Variants in ARHGAP17 observed in about 807,000 individuals in gnomAD.
ARHGAP17 encodes the protein Rho GTPase activating protein 17, also known as rho GTPase-activating protein 17.
ARHGAP17 carries 57 observed loss-of-function variants against 99.5 expected under a neutral mutation model. That is an observed-to-expected ratio of 0.57 (90% CI 0.46 to 0.71). The LOEUF is 0.71. ARHGAP17 is among the 30% of genes least tolerant of loss of function. The pLI is 0.00. For missense variants in ARHGAP17, 1,000 were observed against 1,122.4 expected (o/e 0.89, Z 1.56); for synonymous variants, 417 against 429.6 (o/e 0.97, Z 0.36).
intron 7 of ARHGAP17, among the ~76,000 whole-genome samples, chr16:24,963,526 ACT>A (rs2052077539): frequency 6.6e-6 from 1 of 152,192 alleles, no homozygotes; most frequent in Admixed American, 6.5e-5. Flanking sequence ...CAGACTTAAG[ACT>A]CTAGATTGTC....
chr16:24,938,444 G>GA (rs2051203611), intron 17 of ARHGAP17, among the ~76,000 whole-genome samples: 1 of 151,814 alleles, frequency 6.6e-6, no homozygotes, highest in Non-Finnish European at 1.5e-5. Context: ...CTTATCCAAA[G>GA]GTTAAGCAAC....
In ARHGAP17 at chr16:24,970,496, G is replaced by A; in HGVS notation, c.272+11C>T. 1 of 1,613,702 alleles carries A rather than the reference G, an allele frequency of 6.2e-7. No homozygotes were observed. The highest frequency in any genetic ancestry group is 8.5e-7 in the Non-Finnish European group (1 of 1,179,604). On this transcript the variant is annotated intron_variant, in intron 4 of 19. Transcript: ENST00000289968. ...CATGGCACTTGGCACTCTGAAGGCAGCAACTCTTACCCCAGGAGAGAGTCT... is the reference window on the plus strand; with the variant it reads ...CATGGCACTTGGCACTCTGAAGGCAACAACTCTTACCCCAGGAGAGAGTCT...
chr16:24,928,618 G>A (rs2050902045), intron 19 of ARHGAP17, among the ~76,000 whole-genome samples: 1 of 152,158 alleles, frequency 6.6e-6, no homozygotes, highest in African/African-American at 2.4e-5. Flanking sequence ...TGTTTTGAAG[G>A]CTACACTCTG....
At chr16:24,932,067 C>T (rs917161818) in intron 18 of ARHGAP17, among the ~76,000 whole-genome samples, 1 of 148,098 alleles carries the variant, frequency 6.8e-6, no homozygotes, top group East Asian at 2.0e-4. Flanking sequence ...GCAGTGATCA[C>T]ACCACTGAAT....
At chr16:24,934,830 G>A (rs988794506) in intron 18 of ARHGAP17, among the ~76,000 whole-genome samples, 2 of 152,144 alleles carry the variant, frequency 1.3e-5, no homozygotes, top group African/African-American at 4.8e-5. Flanking sequence ...AGAATGTTCT[G>A]GAAGCCCTAA....
chr16:24,934,358 C>T, intron 18 of ARHGAP17, among the ~76,000 whole-genome samples: 1 of 152,164 alleles, frequency 6.6e-6, no homozygotes, highest in East Asian at 1.9e-4. Context: ...GATGGGGTTT[C>T]ACCATGTTGG....
intron 1 of ARHGAP17, among the ~76,000 whole-genome samples, chr16:24,985,196 A>C (rs1436818680): frequency 6.6e-6 from 1 of 152,148 alleles, no homozygotes; most frequent in African/African-American, 2.4e-5. Flanking sequence ...CCCCACACAC[A>C]CACACACACA....
rs1323715761 is a variant in ARHGAP17, at chr16:24,959,762, G to A, written c.643-10C>T. 6.2e-7 allele frequency: 1 copy of A among 1,613,572 alleles called. No homozygotes were observed. Among genetic ancestry groups the A allele is most frequent in the Non-Finnish European group, 8.5e-7 (1 of 1,179,768 alleles). On this transcript the variant is annotated splice_polypyrimidine_tract_variant and intron_variant, in intron 8 of 19. Coordinates refer to ENST00000289968, the MANE Select transcript of ARHGAP17 (RefSeq NM_001006634.3). The stretch of plus-strand genomic sequence containing the variant: ...CTTGGGCTTCTAATAACTGAGAACA[G>A]ACCCACATTCAAAAACAAAAGTAAC...
intron 1 of ARHGAP17, among the ~76,000 whole-genome samples, chr16:24,992,327 TTTTTTC>T (rs749556466): frequency 4.6e-5 from 7 of 152,090 alleles, no homozygotes; most frequent in Non-Finnish European, 5.9e-5. Context: ...CACATAGCTA[TTTTTTC>T]TTTTTCTTTT....
chr16:24,954,669 C>G lies in ARHGAP17; in HGVS notation c.786G>C (p.Gly262=). Residue 262 remains glycine (G), a synonymous_variant, in exon 10 of 20, where the codon GGG becomes GGC. Transcript: ENST00000289968. ...TPLEEHLKRS[G]REIALPIEAC... ...CTTCAATGGGCAGCGCAATCTCGCG[C>G]CCGCTCCTCTTCAGGTGTTCTTCTA... 6.2e-7 allele frequency: 1 copy of G among 1,614,070 alleles called. No homozygotes were observed. Among genetic ancestry groups the G allele is most frequent in the Non-Finnish European group, 8.5e-7 (1 of 1,179,966 alleles).
intron 1 of ARHGAP17, among the ~76,000 whole-genome samples, chr16:25,006,908 G>T (rs755811507): frequency 6.6e-6 from 1 of 152,136 alleles, no homozygotes; most frequent in African/African-American, 2.4e-5. Context: ...AGGGCTGGAG[G>T]CATAAAACTG....
chr16:24,992,711 A>C (rs934985212), intron 1 of ARHGAP17, among the ~76,000 whole-genome samples: 2 of 152,216 alleles, frequency 1.3e-5, no homozygotes, highest in Non-Finnish European at 2.9e-5. Context: ...GTACAAGAAA[A>C]ATTCATAAAT....
In ARHGAP17 at chr16:24,919,588, ATGGGCATGG is replaced by A; in HGVS notation, c.*533_*541del. On this transcript the variant is annotated 3_prime_UTR_variant, in exon 20 of 20. Transcript: ENST00000289968. ...GTGACAGAGCCAGCAGTCACCATCCATGGGCATGGTTCTGAGGGGACTGGGGAGACACAG... is the reference window on the plus strand; with the variant it reads ...GTGACAGAGCCAGCAGTCACCATCCATTCTGAGGGGACTGGGGAGACACAG... 1 of 152,576 alleles carries A rather than the reference ATGGGCATGG, an allele frequency of 6.6e-6. No homozygotes were observed. The highest frequency in any genetic ancestry group is 1.9e-4 in the East Asian group (1 of 5,160). 9.5% of individuals were successfully genotyped at this position (152,576 alleles called of 1,614,324 possible). A position where few individuals can be genotyped will look rare whatever the true frequency, so the allele number is the denominator to read the frequency against.
intron 19 of ARHGAP17, 190 bp from the exon 20 acceptor site, chr16:24,920,450 T>C (rs1428631652): frequency 1.3e-5 from 8 of 607,872 alleles, no homozygotes; most frequent in Non-Finnish European, 2.2e-5. Flanking sequence ...GGCAGCTGAG[T>C]AGCACAGCCT....
intron 14 of ARHGAP17, 105 bp downstream of exon 14, chr16:24,947,377 C>A: frequency 9.6e-7 from 1 of 1,038,464 alleles, no homozygotes; most frequent in Non-Finnish European, 1.4e-6. Context: ...CTTCAGAATA[C>A]CTTGAATTGA....
chr16:24,949,512 A>C (rs774455674), intron 12 of ARHGAP17, 28 bp from the exon 13 acceptor site: 1 of 1,589,936 alleles, frequency 6.3e-7, no homozygotes, highest in South Asian at 1.1e-5. Context: ...TAAGTACAAC[A>C]ACTTATTAAG....
At chr16:24,999,159 T>G (rs1381000670) in intron 1 of ARHGAP17, among the ~76,000 whole-genome samples, 1 of 152,220 alleles carries the variant, frequency 6.6e-6, no homozygotes, top group Non-Finnish European at 1.5e-5. Flanking sequence ...TGACTTCGAA[T>G]TTTTTAAAGT....
chr16:24,969,616 G>A lies in ARHGAP17; in HGVS notation c.273-844C>T, dbSNP rs566756431. Among the ~76,000 whole-genome samples the A allele has an allele frequency of 3.3e-5, 5 of 152,328 alleles. No homozygotes were observed. The East Asian group carries it at 9.6e-4, about 29-fold the overall frequency. On this transcript the variant is annotated intron_variant, in intron 4 of 19. Coordinates refer to ENST00000289968, the MANE Select transcript of ARHGAP17 (RefSeq NM_001006634.3). ...CTAGGTTGTTTTAAGGATTAAATGAGCTATTACTTGGAAAACACTTATAAC... is the reference window on the plus strand; with the variant it reads ...CTAGGTTGTTTTAAGGATTAAATGAACTATTACTTGGAAAACACTTATAAC...
chr16:24,921,362 A>G (rs141590043), intron 19 of ARHGAP17, among the ~76,000 whole-genome samples: 1 of 152,302 alleles, frequency 6.6e-6, no homozygotes, highest in African/African-American at 2.4e-5. Flanking sequence ...AGAGGTAGCC[A>G]TGGCAGGCAG....
Sources: allele counts gnomAD v4.1 joint callset (sites outside exome capture counted in the v4.1 genomes callset), GRCh38; gene constraint gnomAD v4.1.1; transcripts MANE v1.5; gene names NCBI Gene and HGNC (gene_info 2026-07-23, HGNC 2026-07-21).